ASTN1: variants seen among roughly 807,000 people sequenced by gnomAD.
ASTN1 encodes astrotactin-1.
ASTN1 carries 41 observed loss-of-function variants against 140.7 expected under a neutral mutation model. The observed-to-expected ratio is 0.29, with a 90% CI of 0.23 to 0.38. ASTN1 has a LOEUF of 0.38. Ranked by LOEUF, ASTN1 falls within the 10% of genes least tolerant of loss-of-function variation. The pLI, the probability that ASTN1 is intolerant of heterozygous loss-of-function variation, is 1.00. For synonymous variants in ASTN1, 640 were observed against 652.2 expected (o/e 0.98, Z 0.29); for missense variants, 1,479 against 1,678.8 (o/e 0.88, Z 2.08).
intron 8 of ASTN1, among the ~76,000 whole-genome samples, chr1:176,994,506 C>T (rs1018178042): frequency 1.3e-5 from 2 of 152,040 alleles, no homozygotes; most frequent in Admixed American, 6.6e-5. Context: ...ACCACACTGG[C>T]TAATTTTAGC....
chr1:176,953,178 T>C (rs1001271215), intron 11 of ASTN1, among the ~76,000 whole-genome samples: 19 of 152,234 alleles, frequency 1.2e-4, no homozygotes, highest in African/African-American at 1.9e-4. Flanking sequence ...TTTTAGTTGA[T>C]TAATTACTTA....
chr1:177,158,655 CGTGTGTGTGTGTGTGTGT>C (rs34610563), intron 1 of ASTN1, among the ~76,000 whole-genome samples: 1 of 142,612 alleles, frequency 7.0e-6, no homozygotes, highest in Non-Finnish European at 1.5e-5. Context: ...GAAAAAAGTA[CGTGTGTGTGTGTGTGTGT>C]GTGTGTGTGT....
chr1:177,043,610 T>C (rs183921321), intron 2 of ASTN1, among the ~76,000 whole-genome samples: 1 of 152,374 alleles, frequency 6.6e-6, no homozygotes, highest in Admixed American at 6.5e-5. Context: ...ATCAAAACCC[T>C]GGGAGAACAA....
In ASTN1 at chr1:176,945,910, TGTATATGAG is replaced by T; in HGVS notation, c.2249+7_2249+15del. 6.3e-7 allele frequency: 1 copy of T among 1,593,442 alleles called. No individual in the cohort carries two copies. ...CAACAGTCTTGAACAATCAGTTCTA[TGTATATGAG>T]GTTTACCTGAATGTTCCTTTCAGCA... On this transcript the variant is annotated splice_region_variant and intron_variant, in intron 13 of 22. Coordinates refer to ENST00000361833, the MANE Select transcript of ASTN1 (RefSeq NM_004319.3).
chr1:177,138,812 C>G (rs996698851), intron 1 of ASTN1, among the ~76,000 whole-genome samples: 1 of 152,086 alleles, frequency 6.6e-6, no homozygotes, highest in African/African-American at 2.4e-5. Context: ...TTATTGGTGC[C>G]GAAAACTGTG....
At position 177,014,892 on chromosome 1, in the gene ASTN1, G is replaced by A; in HGVS notation, c.1439-17C>T. 2 of 1,597,392 alleles carry A rather than the reference G, an allele frequency of 1.3e-6. No homozygotes were observed. Among genetic ancestry groups the A allele is most frequent in the South Asian group, 2.2e-5 (2 of 90,132 alleles). ...GGCATTCCCCTTAGAAGCAGGGTAA[G>A]GAGGAAGAAAGAGAAACATGAAGGA... On this transcript the variant is annotated splice_polypyrimidine_tract_variant and intron_variant, in intron 7 of 22. Coordinates refer to ENST00000361833, the MANE Select transcript of ASTN1 (RefSeq NM_004319.3).
chr1:177,105,775 T>C (rs887860256), intron 1 of ASTN1, among the ~76,000 whole-genome samples: 2 of 152,238 alleles, frequency 1.3e-5, no homozygotes, highest in African/African-American at 4.8e-5. Flanking sequence ...AACACCTTTA[T>C]TCTTCAAGAC....
At chr1:176,871,538 C>A (rs1668343756) in intron 21 of ASTN1, among the ~76,000 whole-genome samples, 1 of 152,162 alleles carries the variant, frequency 6.6e-6, no homozygotes, top group Non-Finnish European at 1.5e-5. Flanking sequence ...TAAGGGCTCC[C>A]AGCTTTTGCA....
rs565566282 is a variant in ASTN1, at chr1:177,075,756, T to A, written c.284-14491A>T. On this transcript the variant is annotated intron_variant, in intron 1 of 22. Transcript: ENST00000361833. ...TCAACTTCTGGGCTCAAGCAATCCTTCCATCTCAGCCTCCCGAGTAGCTGG... is the reference window on the plus strand; with the variant it reads ...TCAACTTCTGGGCTCAAGCAATCCTACCATCTCAGCCTCCCGAGTAGCTGG... Among the ~76,000 whole-genome samples the A allele has an allele frequency of 8.6e-5, 13 of 151,110 alleles. No homozygotes were observed. The East Asian group carries it at 2.6e-3, about 30-fold the overall frequency.
At chr1:177,023,832 G>A (rs1377512036) in intron 6 of ASTN1, among the ~76,000 whole-genome samples, 1 of 152,050 alleles carries the variant, frequency 6.6e-6, no homozygotes, top group Non-Finnish European at 1.5e-5. Context: ...TCTTTCCAGG[G>A]AGTTCCTAAG....
At chr1:176,943,269 T>A (rs935032495) in intron 14 of ASTN1, among the ~76,000 whole-genome samples, 1 of 152,088 alleles carries the variant, frequency 6.6e-6, no homozygotes, top group African/African-American at 2.4e-5. Context: ...TTCCTGCCTC[T>A]TCTAATTAAT....
At chr1:176,871,354 T>C (rs1668336706) in intron 21 of ASTN1, among the ~76,000 whole-genome samples, 1 of 152,184 alleles carries the variant, frequency 6.6e-6, no homozygotes, top group Non-Finnish European at 1.5e-5. Context: ...TAGGCAGATC[T>C]GGACTTCCTC....
At chr1:176,867,773 G>A (rs1668177781) in intron 22 of ASTN1, among the ~76,000 whole-genome samples, 1 of 152,164 alleles carries the variant, frequency 6.6e-6, no homozygotes, top group Non-Finnish European at 1.5e-5. Flanking sequence ...AGTCACAGCA[G>A]GCCAAATGAG....
At chr1:176,883,059 G>T in intron 19 of ASTN1, 65 bp from the exon 20 acceptor site, 1 of 1,587,966 alleles carries the variant, frequency 6.3e-7, no homozygotes. Context: ...TGAGGAGATG[G>T]AGTCAACTCA....
intron 16 of ASTN1, among the ~76,000 whole-genome samples, chr1:176,933,500 C>T (rs1671295339): frequency 6.6e-6 from 1 of 152,104 alleles, no homozygotes; most frequent in African/African-American, 2.4e-5. Flanking sequence ...AATATACTGG[C>T]CACTATGCCT....
intron 1 of ASTN1, among the ~76,000 whole-genome samples, chr1:177,161,825 G>GA (rs1393910612): frequency 2.0e-5 from 3 of 152,120 alleles, no homozygotes; most frequent in African/African-American, 7.2e-5. Flanking sequence ...GATTACCATG[G>GA]AATCTGCTCT....
chr1:176,881,093 T>C (rs1159154170), intron 20 of ASTN1, among the ~76,000 whole-genome samples: 2 of 152,204 alleles, frequency 1.3e-5, no homozygotes, highest in African/African-American at 4.8e-5. Context: ...TCCCAAGGGC[T>C]GAAGCGCAGC....
At chr1:176,970,270 A>C (rs1192650878) in intron 8 of ASTN1, among the ~76,000 whole-genome samples, 1 of 152,170 alleles carries the variant, frequency 6.6e-6, no homozygotes, top group Non-Finnish European at 1.5e-5. Flanking sequence ...CTTCATGCTG[A>C]TAGCTTGGGC....
intron 11 of ASTN1, among the ~76,000 whole-genome samples, chr1:176,951,319 AC>A: frequency 6.6e-6 from 1 of 152,340 alleles, no homozygotes; most frequent in Admixed American, 6.5e-5. Context: ...CAGATGTGCC[AC>A]CAGAAGGGAG....
Sources: gnomAD v4.1 joint callset for allele counts (sites outside exome capture counted in the v4.1 genomes callset) on GRCh38, gnomAD v4.1.1 for gene constraint, MANE v1.5 for transcripts, NCBI Gene and HGNC (gene_info 2026-07-23, HGNC 2026-07-21) for gene names.